The following ZNF763 variants were observed in gnomAD, a reference collection of about 807,000 sequenced individuals.
The protein encoded by ZNF763 is DNA-binding protein.
In ZNF763, 33 loss-of-function variants were observed where a neutral mutation model predicts 38.0. The observed-to-expected ratio is 0.87, with a 90% CI of 0.66 to 1.16. The LOEUF (loss-of-function observed/expected upper bound fraction) is 1.16, where lower values mean the gene tolerates loss of function less well. ZNF763 is among the 50% of genes most tolerant of loss of function. ZNF763 has a pLI of 0.00. For synonymous variants in ZNF763, 155 were observed against 160.1 expected (o/e 0.97, Z 0.24); for missense variants, 423 against 469.1 (o/e 0.90, Z 0.91).
At position 11,979,032 on chromosome 19, in the gene ZNF763, T is replaced by C. The variant is rs749083162; in HGVS notation, c.1108T>C (p.Cys370Arg). Residue 370 changes from cysteine to arginine, a missense_variant, in exon 4 of 4, where the codon TGT becomes CGT. Cys to Arg is a radical substitution (Grantham distance 180). Transcript: ENST00000358987. ...RTHSAKKPYECKQCGKALSYK... is the reference protein window; with the variant it reads ...RTHSAKKPYERKQCGKALSYK... ...CCACTCTGCGAAAAAACCTTATGAA[T>C]GTAAGCAGTGTGGGAAAGCATTATC... The C allele has an allele frequency of 2.5e-6, 4 of 1,614,158 alleles. No homozygotes were observed. Among genetic ancestry groups the C allele is most frequent in the Non-Finnish European group, 3.4e-6 (4 of 1,180,028 alleles).
Position 11,979,801 on chromosome 19 carries a change from T to C in ZNF763, c.*692T>C. Reference sequence around the variant, plus strand: ...ACACTGGAGAGAAACCCTATGAGTGTAAGGAATGTGGGAAAGCCTTCAGAT... The same window carrying C: ...ACACTGGAGAGAAACCCTATGAGTGCAAGGAATGTGGGAAAGCCTTCAGAT... On this transcript the variant is annotated 3_prime_UTR_variant, in exon 4 of 4. Coordinates refer to ENST00000358987, the MANE Select transcript of ZNF763 (RefSeq NM_001367172.2). 1 of 1,575,552 alleles carries C rather than the reference T, an allele frequency of 6.3e-7. No individual in the cohort carries two copies. Among genetic ancestry groups the C allele is most frequent in the Non-Finnish European group, 8.7e-7 (1 of 1,147,888 alleles).
In ZNF763 at chr19:11,980,291, G is replaced by A. The variant is rs1303684255; in HGVS notation, c.*1182G>A. The stretch of plus-strand genomic sequence containing the variant: ...AGCTAGTTGGGAGGCTGGCACAGGA[G>A]AATCGCTTGAATCTGGGGGGCAGAG... On this transcript the variant is annotated 3_prime_UTR_variant, in exon 4 of 4. Coordinates refer to ENST00000358987, the MANE Select transcript of ZNF763 (RefSeq NM_001367172.2). 3 of 267,270 alleles carry A rather than the reference G, an allele frequency of 1.1e-5. No individual in the cohort carries two copies. The highest frequency in any genetic ancestry group is 2.4e-5 in the African/African-American group (1 of 42,218). 16.6% of individuals were successfully genotyped at this position (267,270 alleles called of 1,614,324 possible).
At chr19:11,968,755 C>T (rs185188182) in intron 1 of ZNF763, among the ~76,000 whole-genome samples, 1 of 152,198 alleles carries the variant, frequency 6.6e-6, no homozygotes, top group East Asian at 1.9e-4. Context: ...CGGGATGGCT[C>T]ACACCTGTAA....
Position 11,979,804 on chromosome 19 carries a change from G to A in ZNF763, c.*695G>A, listed in dbSNP as rs1290549813. On this transcript the variant is annotated 3_prime_UTR_variant, in exon 4 of 4. Coordinates refer to ENST00000358987, the MANE Select transcript of ZNF763 (RefSeq NM_001367172.2). The stretch of plus-strand genomic sequence containing the variant: ...CTGGAGAGAAACCCTATGAGTGTAA[G>A]GAATGTGGGAAAGCCTTCAGATCTG... The A allele has an allele frequency of 1.3e-6, 2 of 1,574,542 alleles. No individual in the cohort carries two copies. Among genetic ancestry groups the A allele is most frequent in the Non-Finnish European group, 1.7e-6 (2 of 1,147,124 alleles).
chr19:11,980,175 T>C lies in ZNF763; in HGVS notation c.*1066T>C. 1.7e-6 allele frequency: 1 copy of C among 601,746 alleles called. No homozygotes were observed. The highest frequency in any genetic ancestry group is 2.8e-6 in the Non-Finnish European group (1 of 352,016). The allele number at this position is 601,746 out of a possible 1,614,324, so 37.3% of individuals were successfully genotyped here. ...CAGGTGAATCACCTGAGGTCAGGAG[T>C]TCAAGACTGGCCTGATCAATATGAT... On this transcript the variant is annotated 3_prime_UTR_variant, in exon 4 of 4. Transcript: ENST00000358987.
At chr19:11,974,874 A>T (rs1420264725) in intron 1 of ZNF763, among the ~76,000 whole-genome samples, 1 of 152,204 alleles carries the variant, frequency 6.6e-6, no homozygotes, top group African/African-American at 2.4e-5. Context: ...AGGTGCTGGG[A>T]TTACAGGCAT....
chr19:11,974,092 T>G lies in ZNF763; in HGVS notation c.4-2946T>G, dbSNP rs572682269. Among the ~76,000 whole-genome samples the G allele has an allele frequency of 7.9e-5, 7 of 88,882 alleles. No individual in the cohort carries two copies. In the East Asian group the frequency reaches 1.4e-3, roughly 18 times the overall value. 58.3% of individuals were successfully genotyped at this position (88,882 alleles called of 152,430 possible). On this transcript the variant is annotated intron_variant, in intron 1 of 3. Transcript: ENST00000358987. ...TCTTTTCTTTCTTTCTTTCTTTCTT[T>G]CTTTCTTTCTTTCTTTCTTTCTTTC...
At chr19:11,972,505 C>A (rs1478271533) in intron 1 of ZNF763, among the ~76,000 whole-genome samples, 1 of 151,984 alleles carries the variant, frequency 6.6e-6, no homozygotes, top group African/African-American at 2.4e-5. Flanking sequence ...AATGATGGAG[C>A]CAGTATTGGG....
Position 11,980,236 on chromosome 19 carries a change from C to T in ZNF763, c.*1127C>T. The T allele has an allele frequency of 2.7e-6, 1 of 376,098 alleles. No homozygotes were observed. Among genetic ancestry groups the T allele is most frequent in the Non-Finnish European group, 4.9e-6 (1 of 205,812 alleles). The allele number at this position is 376,098 out of a possible 1,614,324, so 23.3% of individuals were successfully genotyped here. On this transcript the variant is annotated 3_prime_UTR_variant, in exon 4 of 4. Transcript: ENST00000358987. ...TCTCTACTAAAACTACAAAAATTGG[C>T]CAGGCGTGGTGGCCTGCTTCTGTAA...
At chr19:11,968,459 C>T (rs1194749669) in intron 1 of ZNF763, among the ~76,000 whole-genome samples, 2 of 152,060 alleles carry the variant, frequency 1.3e-5, no homozygotes, top group African/African-American at 4.8e-5. Context: ...TCAGGCTGGT[C>T]TCTTGCTCCT....
Position 11,978,252 on chromosome 19 carries a change from G to A in ZNF763, c.328G>A (p.Val110Ile), listed in dbSNP as rs73923317. 1.4e-3 allele frequency: 2,231 copies of A among 1,614,028 alleles called. 30 individuals are homozygous for A. The African/African-American group carries it at 0.027, about 20-fold the overall frequency. ...TGAAGCAAAATCATGTGATAACTTT[G>A]TATGTGGAGAAGTTGGCATAGGTAA... ...SPEAKSCDNF[V>I]CGEVGIGNSS... Residue 110 changes from valine to isoleucine, a missense_variant, in exon 4 of 4, where the codon GTA becomes ATA. Transcript: ENST00000358987.
In ZNF763 at chr19:11,978,483, A is replaced by G; in HGVS notation, c.559A>G (p.Ile187Val). ...CGKTFISHSGIRRRMVMHSGD... is the reference protein window; with the variant it reads ...CGKTFISHSGVRRRMVMHSGD... ...AAAAACCTTTATTTCCCATTCAGGC[A>G]TTCGAAGACGCATGGTAATGCACAG... The change falls in exon 4 of 4, where the codon ATT becomes GTT. Residue 187 changes from isoleucine to valine, a missense_variant. Transcript: ENST00000358987. The G allele has an allele frequency of 6.2e-7, 1 of 1,614,236 alleles. No individual in the cohort carries two copies.
chr19:11,974,121 CTTTCTTTTCT>C (rs879904788), intron 1 of ZNF763, among the ~76,000 whole-genome samples: 3 of 74,966 alleles, frequency 4.0e-5, no homozygotes, highest in Non-Finnish European at 8.1e-5. Flanking sequence ...TTCTTTCTTT[CTTTCTTTTCT>C]TTCTTTCTTT....
chr19:11,977,144 T>C lies in ZNF763; in HGVS notation c.110T>C (p.Phe37Ser). Reference sequence around the variant, plus strand: ...TACAGGGAAGTGATGCTGGAAACTTTCAGGAACCTGACCTCTATAGGTAAG... The same window carrying C: ...TACAGGGAAGTGATGCTGGAAACTTCCAGGAACCTGACCTCTATAGGTAAG... Reference protein sequence around the residue: ...KLYREVMLETFRNLTSIGKKW... With the variant: ...KLYREVMLETSRNLTSIGKKW... The change falls in exon 2 of 4, where the codon TTC becomes TCC. Residue 37 changes from phenylalanine (F) to serine (S), a missense_variant. By Grantham distance (155) the Phe-to-Ser change is radical. Coordinates refer to ENST00000358987, the MANE Select transcript of ZNF763 (RefSeq NM_001367172.2). 6.2e-7 allele frequency: 1 copy of C among 1,614,178 alleles called. No individual in the cohort carries two copies. Among genetic ancestry groups the C allele is most frequent in the Non-Finnish European group, 8.5e-7 (1 of 1,180,020 alleles).
rs1366217902 is a variant in ZNF763 at position 11,965,291 on chromosome 19, G to A, written c.3+80G>A. 12 of 1,598,516 alleles carry A rather than the reference G, an allele frequency of 7.5e-6. No homozygotes were observed. The Admixed American group carries it at 1.4e-4, about 18-fold the overall frequency. On this transcript the variant is annotated intron_variant, in intron 1 of 3. Coordinates refer to ENST00000358987, the MANE Select transcript of ZNF763 (RefSeq NM_001367172.2). The stretch of plus-strand genomic sequence containing the variant: ...CCGGAACCGGCTGCGGCGGGACCCG[G>A]GCCTCCCTGCGGGCGACTCCAGGGT...
chr19:11,974,069 T>TTTTCTTTCTTTCTTTCTTTC (rs199661683), intron 1 of ZNF763, among the ~76,000 whole-genome samples: 4 of 114,776 alleles, frequency 3.5e-5, no homozygotes, highest in Admixed American at 9.6e-5. Context: ...TCCTTCTTTC[T>TTTTCTTTCTTTCTTTCTTTC]TTTCTTTCTT....
Position 11,978,943 on chromosome 19 carries a change from A to T in ZNF763, c.1019A>T (p.Tyr340Phe). Residue 340 changes from tyrosine (Y) to phenylalanine (F), a missense_variant, in exon 4 of 4, where the codon TAT becomes TTT. Transcript: ENST00000358987. ...AGGAGTCACACGGGAGAGAAGCCTTATCAATGTAAGGAATGTAGAAAAGCA... is the reference window on the plus strand; with the variant it reads ...AGGAGTCACACGGGAGAGAAGCCTTTTCAATGTAAGGAATGTAGAAAAGCA... ...HKRSHTGEKP[Y>F]QCKECRKAFT... The T allele has an allele frequency of 1.2e-6, 2 of 1,614,232 alleles. No individual in the cohort carries two copies. Among genetic ancestry groups the T allele is most frequent in the Non-Finnish European group, 1.7e-6 (2 of 1,180,048 alleles).
rs1397782922 is a variant in ZNF763 at position 11,980,496 on chromosome 19, T to C, written c.*1387T>C. 6.6e-6 allele frequency: 1 copy of C among 152,638 alleles called. No homozygotes were observed. The highest frequency in any genetic ancestry group is 2.4e-5 in the African/African-American group (1 of 41,380). The allele number at this position is 152,638 out of a possible 1,614,324, so 9.5% of individuals were successfully genotyped here. On this transcript the variant is annotated 3_prime_UTR_variant, in exon 4 of 4. Transcript: ENST00000358987. ...TAAAATATTTCATAAAATGTATGGGTGCTGTTTACCAGAAAGTACGTTGGG... is the reference window on the plus strand; with the variant it reads ...TAAAATATTTCATAAAATGTATGGGCGCTGTTTACCAGAAAGTACGTTGGG...
Position 11,980,272 on chromosome 19 carries a change from T to C in ZNF763, c.*1163T>C. The C allele has an allele frequency of 3.3e-6, 1 of 306,316 alleles. No homozygotes were observed. Among genetic ancestry groups the C allele is most frequent in the South Asian group, 3.3e-5 (1 of 30,640 alleles). 19.0% of individuals were successfully genotyped at this position (306,316 alleles called of 1,614,324 possible). A position where few individuals can be genotyped will look rare whatever the true frequency, so the allele number is the denominator to read the frequency against. The stretch of plus-strand genomic sequence containing the variant: ...GGCCTGCTTCTGTAATCCTAGCTAG[T>C]TGGGAGGCTGGCACAGGAGAATCGC... On this transcript the variant is annotated 3_prime_UTR_variant, in exon 4 of 4. Coordinates refer to ENST00000358987, the MANE Select transcript of ZNF763 (RefSeq NM_001367172.2).
Sources: gnomAD v4.1 joint callset for allele counts (sites outside exome capture counted in the v4.1 genomes callset) on GRCh38, gnomAD v4.1.1 for gene constraint, MANE v1.5 for transcripts, NCBI Gene and HGNC (gene_info 2026-07-23, HGNC 2026-07-21) for gene names.